GGA3: variants seen among roughly 807,000 people sequenced by gnomAD.
GGA3 encodes the protein golgi associated, gamma adaptin ear containing, ARF binding protein 3.
GGA3 carries 57 observed loss-of-function variants against 77.5 expected under a neutral mutation model. The ratio of observed to expected loss-of-function variants is 0.74; its 90% CI spans 0.59 to 0.92. GGA3 has a LOEUF of 0.92. Ranked by LOEUF, GGA3 falls within the 40% of genes least tolerant of loss-of-function variation. The probability of loss-of-function intolerance (pLI) is 0.00; values close to 1 mark genes in which losing one functional copy is unlikely to be tolerated. For missense variants in GGA3, 970 were observed against 914.9 expected (o/e 1.06, Z -0.78); for synonymous variants, 416 against 383.7 (o/e 1.08, Z -0.98).
At chr17:75,247,542 G>A (rs1176864793) in intron 1 of GGA3, among the ~76,000 whole-genome samples, 8 of 152,198 alleles carry the variant, frequency 5.3e-5, no homozygotes, top group Admixed American at 3.9e-4. Context: ...GATTACAGGC[G>A]TGAGTCACCG....
intron 1 of GGA3, among the ~76,000 whole-genome samples, chr17:75,247,680 C>T (rs1185313214): frequency 6.6e-6 from 1 of 152,136 alleles, no homozygotes; most frequent in African/African-American, 2.4e-5. Context: ...TTTACTTAGC[C>T]CCTACTAAGC....
chr17:75,262,339 T>A, upstream of GGA3: 1 of 820,608 alleles, frequency 1.2e-6, no homozygotes, highest in Non-Finnish European at 2.0e-6. Flanking sequence ...GTCCTCCTAC[T>A]TGGGACAAGG....
At position 75,259,446 on chromosome 17, in the gene GGA3, G is replaced by A. The variant is rs542982248; in HGVS notation, c.40+2102C>T. 9.2e-5 allele frequency among the ~76,000 whole-genome samples: 14 copies of A among 152,244 alleles called. No individual in the cohort carries two copies. The South Asian group carries it at 1.7e-3, about 18-fold the overall frequency. On this transcript the variant is annotated intron_variant, in intron 1 of 16. Transcript: ENST00000537686. ...TTTTCAAGCATTTAGTTGAGGAAAC[G>A]GGAGCAGGGCTTCCAGGTAAGGAGA...
At position 75,241,699 on chromosome 17, in the gene GGA3, G is replaced by C. The variant is rs758644638; in HGVS notation, c.748-3C>G. The C allele has an allele frequency of 3.1e-6, 5 of 1,612,968 alleles. No individual in the cohort carries two copies. The highest frequency in any genetic ancestry group is 4.2e-6 in the Non-Finnish European group (5 of 1,179,056). On this transcript the variant is annotated splice_region_variant and splice_polypyrimidine_tract_variant and intron_variant, in intron 8 of 16. Coordinates refer to ENST00000537686, the MANE Select transcript of GGA3 (RefSeq NM_138619.4). The stretch of plus-strand genomic sequence containing the variant: ...TTCTCACACTGATCAAACAGCTCCT[G>C]AAAGAGACTCGGACATAAAAATCAA...
At chr17:75,260,835 C>G (rs2145620894) in intron 1 of GGA3, among the ~76,000 whole-genome samples, 1 of 152,132 alleles carries the variant, frequency 6.6e-6, no homozygotes, top group East Asian at 1.9e-4. Context: ...TCTATAACTA[C>G]AGCTTCAGAC....
Position 75,237,454 on chromosome 17 carries a change from C to T in GGA3, c.*825G>A. ...GGGGAGGATAGCAGTTTATTTCATG[C>T]CAAGCAAGAGGTAGTCAGTAGGATG... On this transcript the variant is annotated 3_prime_UTR_variant, in exon 17 of 17. Coordinates refer to ENST00000537686, the MANE Select transcript of GGA3 (RefSeq NM_138619.4). 1 of 1,531,494 alleles carries T rather than the reference C, an allele frequency of 6.5e-7. No individual in the cohort carries two copies. 94.9% of individuals were successfully genotyped at this position (1,531,494 alleles called of 1,614,324 possible). A position where few individuals can be genotyped will look rare whatever the true frequency, so the allele number is the denominator to read the frequency against.
chr17:75,238,808 A>T, intron 15 of GGA3, 46 bp from the exon 16 acceptor site: 1 of 1,570,332 alleles, frequency 6.4e-7, no homozygotes. Context: ...AGGTGCCCCC[A>T]GATGGAACCT....
Position 75,241,515 on chromosome 17 carries a change from C to A in GGA3, c.831G>T (p.Gly277=), listed in dbSNP as rs772409396. 1.2e-6 allele frequency: 2 copies of A among 1,611,392 alleles called. No homozygotes were observed. The highest frequency in any genetic ancestry group is 1.7e-6 in the Non-Finnish European group (2 of 1,177,710). The part of the protein sequence containing the change: ...SETEDNDNSL[G]DILQASDNLS... Reference sequence around the variant, plus strand: ...GGTTGTCACTGGCTTGCAGGATGTCCCCTGGAGCAGGAAAGAGAGACTTCT... The same window carrying A: ...GGTTGTCACTGGCTTGCAGGATGTCACCTGGAGCAGGAAAGAGAGACTTCT... Residue 277 remains glycine (G), a splice_region_variant and synonymous_variant, in exon 10 of 17, where the codon GGG becomes GGT. Coordinates refer to ENST00000537686, the MANE Select transcript of GGA3 (RefSeq NM_138619.4).
At chr17:75,249,682 G>A (rs2076892965) in intron 1 of GGA3, among the ~76,000 whole-genome samples, 1 of 152,124 alleles carries the variant, frequency 6.6e-6, no homozygotes, top group South Asian at 2.1e-4. Flanking sequence ...ATCCCCCAGG[G>A]CTATTATTTT....
In GGA3 at chr17:75,241,681, A is replaced by G; in HGVS notation, c.763T>C (p.Cys255Arg). Residue 255 changes from cysteine to arginine, a missense_variant, in exon 9 of 17, where the codon TGT (cysteine) becomes CGT (arginine). Physicochemically the swap from Cys to Arg is radical, Grantham distance 180. Transcript: ENST00000537686. ...RELMKELFDQ[C>R]ENKRRTLFKL... is the part of the protein sequence containing the mutation. ...AATAAAGTCCGCCTCTTGTTCTCAC[A>G]CTGATCAAACAGCTCCTGAAAGAGA... 6.2e-7 allele frequency: 1 copy of G among 1,614,002 alleles called. No homozygotes were observed. Among genetic ancestry groups the G allele is most frequent in the African/African-American group, 1.3e-5 (1 of 75,032 alleles).
chr17:75,247,213 A>G (rs2076790012), intron 1 of GGA3, among the ~76,000 whole-genome samples: 1 of 152,318 alleles, frequency 6.6e-6, no homozygotes, highest in African/African-American at 2.4e-5. Context: ...TTTTTGGGGA[A>G]ACTGAAATCA....
chr17:75,238,268 G>A lies in GGA3; in HGVS notation c.*11C>T, dbSNP rs753894955. On this transcript the variant is annotated 3_prime_UTR_variant, in exon 17 of 17. Transcript: ENST00000537686. ...CTGGCTTCAAGGTGGAGATCACAGCGTCCTCTGGGGTCATAGGTTCCCCCA... is the reference window on the plus strand; with the variant it reads ...CTGGCTTCAAGGTGGAGATCACAGCATCCTCTGGGGTCATAGGTTCCCCCA... 35 of 1,611,674 alleles carry A rather than the reference G, an allele frequency of 2.2e-5. No homozygotes were observed. The highest frequency in any genetic ancestry group is 6.7e-5 in the East Asian group (3 of 44,816).
chr17:75,240,676 C>A, intron 11 of GGA3, 136 bp downstream of exon 11: 1 of 1,039,904 alleles, frequency 9.6e-7, no homozygotes, highest in Non-Finnish European at 1.4e-6. Flanking sequence ...CTGAACTTCA[C>A]TGAGTACCTC....
chr17:75,240,522 G>A (rs2076509821), intron 11 of GGA3, 110 bp from the exon 12 acceptor site: 11 of 742,878 alleles, frequency 1.5e-5, no homozygotes, highest in East Asian at 5.4e-5. Context: ...GGGTGAAGGC[G>A]CCGGGAGAAG....
intron 1 of GGA3, among the ~76,000 whole-genome samples, chr17:75,254,459 T>A (rs1216934786): frequency 1.3e-5 from 2 of 152,288 alleles, no homozygotes; most frequent in East Asian, 3.9e-4. Context: ...GCGTTTAGGC[T>A]CTTTTTCATC....
intron 12 of GGA3, 46 bp from the exon 13 acceptor site, chr17:75,240,154 G>GGGGGGGGGGGGGC: frequency 2.1e-6 from 1 of 465,518 alleles, no homozygotes; most frequent in Non-Finnish European, 4.2e-6. Flanking sequence ...GGTGGGGAGG[G>GGGGGGGGGGGGGC]CCTGCCGCTG....
At position 75,241,004 on chromosome 17, in the gene GGA3, T is replaced by C. The variant is rs765515968; in HGVS notation, c.1000A>G (p.Thr334Ala). The C allele has an allele frequency of 5.0e-6, 8 of 1,614,090 alleles. No individual in the cohort carries two copies. In the South Asian group the frequency reaches 7.7e-5, roughly 16 times the overall value. Residue 334 changes from threonine to alanine, a missense_variant, in exon 11 of 17, where the codon ACG becomes GCG. Physicochemically the swap from Thr to Ala is moderately conservative, Grantham distance 58. Transcript: ENST00000537686. Reference protein sequence around the residue: ...GTLIDLAELDTTNSLSSVLAP... With the variant: ...GTLIDLAELDATNSLSSVLAP... ...AACACGGAGGACAAACTGTTGGTCG[T>C]GTCCAGCTCCGCAAGGTCGATGAGC...
In GGA3 at chr17:75,261,600, C is replaced by G. The variant is rs1296614193; in HGVS notation, c.-13G>C. 5 of 1,540,112 alleles carry G rather than the reference C, an allele frequency of 3.2e-6. No homozygotes were observed. Among genetic ancestry groups the G allele is most frequent in the East Asian group, 2.4e-5 (1 of 41,852 alleles). On this transcript the variant is annotated 5_prime_UTR_variant, in exon 1 of 17. Coordinates refer to ENST00000537686, the MANE Select transcript of GGA3 (RefSeq NM_138619.4). ...CCGCCTCCGCCATATTGCAGCCGCC[C>G]GGCCCCGCGGCTTCAAAACTCGCGA...
intron 15 of GGA3, 40 bp downstream of exon 15, chr17:75,238,874 T>TCA (rs1362869149): frequency 1.9e-6 from 3 of 1,607,798 alleles, no homozygotes; most frequent in Non-Finnish European, 2.6e-6. Flanking sequence ...CACAACAGGG[T>TCA]CAAGATAAGG....
Sources: allele counts gnomAD v4.1 joint callset (sites outside exome capture counted in the v4.1 genomes callset), GRCh38; gene constraint gnomAD v4.1.1; transcripts MANE v1.5; gene names NCBI Gene and HGNC (gene_info 2026-07-23, HGNC 2026-07-21).